ANK1: variants seen among roughly 807,000 people sequenced by gnomAD.
ANK1 encodes ankyrin 1.
In ANK1, 51 loss-of-function variants were observed where a neutral mutation model predicts 210.4. The observed-to-expected ratio is 0.24, with a 90% CI of 0.19 to 0.31. The LOEUF (loss-of-function observed/expected upper bound fraction) is 0.31, where lower values mean the gene tolerates loss of function less well. Ranked by LOEUF, ANK1 falls within the 10% of genes least tolerant of loss-of-function variation. ANK1 has a pLI of 1.00. For missense variants in ANK1, 2,051 were observed against 2,504.4 expected, an observed-to-expected ratio of 0.82 and a Z score of 3.86; for synonymous variants, 967 against 1,025.9, an observed-to-expected ratio of 0.94 and a Z score of 1.10.
chr8:41,860,575 C>A (rs1287056219), intron 1 of ANK1, among the ~76,000 whole-genome samples: 1 of 152,182 alleles, frequency 6.6e-6, no homozygotes, highest in African/African-American at 2.4e-5. Flanking sequence ...CTCTCTGAAC[C>A]TCAGGTTCCT....
At chr8:41,772,122 G>A (rs1482590153) in intron 1 of ANK1, among the ~76,000 whole-genome samples, 1 of 152,196 alleles carries the variant, frequency 6.6e-6, no homozygotes, top group Non-Finnish European at 1.5e-5. Context: ...TGGCAGCTCA[G>A]GCCCTGTGGC....
In ANK1 at chr8:41,654,267, C is replaced by G. The variant is rs956709201; in HGVS notation, c.*1523G>C. 5 of 152,696 alleles carry G rather than the reference C, an allele frequency of 3.3e-5. No homozygotes were observed. The highest frequency in any genetic ancestry group is 1.2e-4 in the African/African-American group (5 of 41,448). 9.5% of individuals were successfully genotyped at this position (152,696 alleles called of 1,614,324 possible). ...AGGCTCCTCCCTGATGGCACCGAGG[C>G]GAGGAACTGCCAGCTGTCTGTCTCC... is the stretch of plus-strand genomic sequence containing the variant. On this transcript the variant is annotated 3_prime_UTR_variant, in exon 43 of 43. Transcript: ENST00000289734.
chr8:41,748,401 A>G (rs994920455), intron 2 of ANK1, among the ~76,000 whole-genome samples: 5 of 152,172 alleles, frequency 3.3e-5, no homozygotes, highest in African/African-American at 1.2e-4. Context: ...ATGACAGAGA[A>G]AAGTGCCAGG....
At chr8:41,794,486 G>T (rs375390818) in intron 1 of ANK1, among the ~76,000 whole-genome samples, 1 of 152,042 alleles carries the variant, frequency 6.6e-6, no homozygotes, top group African/African-American at 2.4e-5. Flanking sequence ...TCCCTTGCCC[G>T]CTTCCCTCTC....
intron 3 of ANK1, among the ~76,000 whole-genome samples, chr8:41,729,352 A>T (rs568521919): frequency 2.4e-4 from 36 of 152,308 alleles, no homozygotes; most frequent in East Asian, 1.9e-4. Context: ...GCAGAGACTG[A>T]GAAATAAGGC....
intron 20 of ANK1, among the ~76,000 whole-genome samples, chr8:41,703,711 G>A (rs965586220): frequency 6.6e-6 from 1 of 151,658 alleles, no homozygotes; most frequent in Non-Finnish European, 1.5e-5. Flanking sequence ...CGCTGGTCTT[G>A]AACTCCTGCC....
chr8:41,878,234 G>A (rs996814933), intron 1 of ANK1, among the ~76,000 whole-genome samples: 1 of 152,130 alleles, frequency 6.6e-6, no homozygotes, highest in African/African-American at 2.4e-5. Flanking sequence ...CTACCCTACC[G>A]GGAAGACAGT....
chr8:41,752,024 G>A (rs867334693), intron 2 of ANK1, among the ~76,000 whole-genome samples: 11 of 152,110 alleles, frequency 7.2e-5, no homozygotes, highest in Middle Eastern at 3.4e-3. Flanking sequence ...GCCTTTGCAC[G>A]TGTTTCCTGC....
chr8:41,683,080 A>G (rs930301629), intron 37 of ANK1, among the ~76,000 whole-genome samples: 9 of 151,104 alleles, frequency 6.0e-5, no homozygotes, highest in Admixed American at 6.6e-5. Context: ...GAACACGTGC[A>G]CACACACACA....
chr8:41,701,711 GGTTT>G, intron 21 of ANK1, 89 bp from the exon 22 acceptor site: 2 of 1,336,750 alleles, frequency 1.5e-6, no homozygotes, highest in Non-Finnish European at 2.1e-6. Context: ...ATGCCTGTGG[GGTTT>G]CCCACAAATG....
chr8:41,805,297 C>A lies in ANK1; in HGVS notation c.127-47160G>T, dbSNP rs1170054927. On this transcript the variant is annotated intron_variant, in intron 1 of 42. Coordinates refer to the ANK1 transcript ENST00000265709. ...TTGCTCTGTCACCCAGGTAGGGGCA[C>A]ATTGTTACAATCATGGCTTGCTACA... Among the ~76,000 whole-genome samples the A allele has an allele frequency of 2.0e-5, 3 of 151,768 alleles. No homozygotes were observed. In the East Asian group the frequency reaches 5.8e-4, roughly 29 times the overall value.
intron 1 of ANK1, among the ~76,000 whole-genome samples, chr8:41,870,942 C>G (rs1005916947): frequency 2.0e-5 from 3 of 152,142 alleles, no homozygotes; most frequent in Non-Finnish European, 4.4e-5. Context: ...CGAATGGGCA[C>G]GGGGACTGTC....
At chr8:41,760,243 C>G (rs1419255526) in intron 1 of ANK1, among the ~76,000 whole-genome samples, 1 of 152,196 alleles carries the variant, frequency 6.6e-6, no homozygotes, top group Non-Finnish European at 1.5e-5. Context: ...ATAATTCCCA[C>G]GTGCCCTGGG....
At chr8:41,803,761 A>G (rs558944702) in intron 1 of ANK1, among the ~76,000 whole-genome samples, 2 of 152,126 alleles carry the variant, frequency 1.3e-5, no homozygotes, top group Non-Finnish European at 2.9e-5. Context: ...AATTTTAATC[A>G]TGAATGAATG....
chr8:41,706,726 G>A (rs571970545), intron 17 of ANK1, among the ~76,000 whole-genome samples: 1 of 152,322 alleles, frequency 6.6e-6, no homozygotes, highest in South Asian at 2.1e-4. Context: ...AGACAATAGG[G>A]GTTATCATGG....
At chr8:41,718,248 A>T in intron 10 of ANK1, 44 bp from the exon 11 acceptor site, 1 of 1,599,530 alleles carries the variant, frequency 6.3e-7, no homozygotes, top group Non-Finnish European at 8.6e-7. Context: ...GAGCTTACAC[A>T]CGGGCCCAAG....
chr8:41,851,434 C>T (rs1811219403), intron 1 of ANK1, among the ~76,000 whole-genome samples: 1 of 152,252 alleles, frequency 6.6e-6, no homozygotes, highest in Non-Finnish European at 1.5e-5. Flanking sequence ...ATGCCTAGCT[C>T]CGTGCTAGGC....
chr8:41,672,508 C>T lies in ANK1; in HGVS notation c.4942G>A (p.Glu1648Lys). 6.2e-7 allele frequency: 1 copy of T among 1,614,256 alleles called. No individual in the cohort carries two copies. Among genetic ancestry groups the T allele is most frequent in the South Asian group, 1.1e-5 (1 of 91,088 alleles). Residue 1648 changes from glutamate (E) to lysine (K), a missense_variant, in exon 38 of 43, where the codon GAG (glutamate) becomes AAG (lysine). By Grantham distance (56) the Glu-to-Lys change is moderately conservative. Around this residue, in one of 6 missense-constraint regions of ANK1, gnomAD observed 496 missense variants for 533.4 expected, o/e 0.93. Coordinates refer to ENST00000289734, the MANE Select transcript of ANK1 (RefSeq NM_000037.4). Reference protein sequence around the residue: ...LEQEEGQRSEEKLPGSKRQDD... With the variant: ...LEQEEGQRSEKKLPGSKRQDD... ...TGCCTCTTAGAACCTGGCAGCTTCT[C>T]TTCTGACCTCTGACCTTCCTCCTGT... is the stretch of plus-strand genomic sequence containing the variant.
At chr8:41,843,099 C>T (rs996409070) in intron 1 of ANK1, among the ~76,000 whole-genome samples, 1 of 152,182 alleles carries the variant, frequency 6.6e-6, no homozygotes, top group East Asian at 1.9e-4. Context: ...CCGCCCGCCT[C>T]GGCTTCCCAA....
Sources: gnomAD v4.1 joint callset for allele counts (sites outside exome capture counted in the v4.1 genomes callset) on GRCh38, gnomAD v4.1.1 for gene constraint, gnomAD v4.1.1 regional missense constraint, MANE v1.5 for transcripts, NCBI Gene and HGNC (gene_info 2026-07-23, HGNC 2026-07-21) for gene names.